Variants in NPAS3 observed in about 807,000 individuals in gnomAD.
NPAS3 encodes neuronal PAS domain protein 3.
Under a neutral mutation model 73.1 loss-of-function variants are expected in NPAS3, and 14 were observed. The ratio of observed to expected loss-of-function variants is 0.19; its 90% CI spans 0.13 to 0.30. The LOEUF is 0.30. Among genes scored for constraint, NPAS3 ranks in the 10% least tolerant of loss-of-function variants. The pLI is 1.00. For missense variants in NPAS3, 1,096 were observed against 1,250.0 expected, an observed-to-expected ratio of 0.88 and a Z score of 1.86; for synonymous variants, 620 against 541.5, an observed-to-expected ratio of 1.14 and a Z score of -2.01.
chr14:33,728,667 C>T (rs190740878), intron 6 of NPAS3, among the ~76,000 whole-genome samples: 6 of 152,140 alleles, frequency 3.9e-5, no homozygotes, highest in Non-Finnish European at 8.8e-5. Flanking sequence ...AGCCGTTACC[C>T]GCTTCAGAAT....
intron 6 of NPAS3, among the ~76,000 whole-genome samples, chr14:33,721,801 A>C (rs1407753553): frequency 6.6e-6 from 1 of 152,184 alleles, no homozygotes; most frequent in Non-Finnish European, 1.5e-5. Context: ...CCTTTACGTC[A>C]TTTCCAAAAT....
intron 4 of NPAS3, among the ~76,000 whole-genome samples, chr14:33,519,872 G>A (rs1380158014): frequency 6.6e-6 from 1 of 152,044 alleles, no homozygotes; most frequent in Non-Finnish European, 1.5e-5. Flanking sequence ...TCCCTGAGCT[G>A]CACAGATACC....
chr14:33,452,040 T>A (rs1205304096), intron 4 of NPAS3, among the ~76,000 whole-genome samples: 1 of 152,234 alleles, frequency 6.6e-6, no homozygotes, highest in Non-Finnish European at 1.5e-5. Context: ...GTTGAGAATG[T>A]GTTACAAAAG....
chr14:33,650,588 C>T (rs1484433849), intron 5 of NPAS3, among the ~76,000 whole-genome samples: 1 of 152,180 alleles, frequency 6.6e-6, no homozygotes, highest in Admixed American at 6.5e-5. Context: ...ATTATTCATC[C>T]CTTCACCTCT....
intron 1 of NPAS3, among the ~76,000 whole-genome samples, chr14:33,016,798 T>G (rs1156642105): frequency 6.6e-6 from 1 of 152,156 alleles, no homozygotes; most frequent in African/African-American, 2.4e-5. Flanking sequence ...TTAAGCATAC[T>G]GTGTCATCTT....
rs77959798 is a variant in NPAS3 at position 33,635,462 on chromosome 14, C to T, written c.559-40749C>T. Reference sequence around the variant, plus strand: ...TTAGACTAGAAGAGAGGTATCATTTCGAGATGTAAAAGCCTTGGGTTTGTT... The same window carrying T: ...TTAGACTAGAAGAGAGGTATCATTTTGAGATGTAAAAGCCTTGGGTTTGTT... On this transcript the variant is annotated intron_variant, in intron 5 of 11. Transcript: ENST00000356141. 1.2e-3 allele frequency among the ~76,000 whole-genome samples: 177 copies of T among 152,208 alleles called. No individual in the cohort carries two copies. In the East Asian group the frequency reaches 0.014, roughly 12 times the overall value.
chr14:33,428,779 G>C (rs1050507517), intron 4 of NPAS3, among the ~76,000 whole-genome samples: 1 of 152,024 alleles, frequency 6.6e-6, no homozygotes, highest in African/African-American at 2.4e-5. Flanking sequence ...TACTATGATT[G>C]TCATTGATTT....
intron 4 of NPAS3, among the ~76,000 whole-genome samples, chr14:33,494,935 GTC>G (rs2052096024): frequency 6.6e-6 from 1 of 152,064 alleles, no homozygotes; most frequent in Non-Finnish European, 1.5e-5. Context: ...AACCCGCAGA[GTC>G]TCAGTTGGGA....
At chr14:33,646,769 A>G (rs1472862143) in intron 5 of NPAS3, among the ~76,000 whole-genome samples, 1 of 152,184 alleles carries the variant, frequency 6.6e-6, no homozygotes, top group Non-Finnish European at 1.5e-5. Flanking sequence ...GGCAGTACTC[A>G]TTGCCACTTA....
At chr14:33,525,735 G>T (rs1484170330) in intron 4 of NPAS3, among the ~76,000 whole-genome samples, 1 of 152,138 alleles carries the variant, frequency 6.6e-6, no homozygotes, top group Non-Finnish European at 1.5e-5. Flanking sequence ...TTAATGGGGA[G>T]AAGTTGTTTC....
At chr14:33,193,504 C>T (rs779456130) in intron 2 of NPAS3, among the ~76,000 whole-genome samples, 7 of 152,094 alleles carry the variant, frequency 4.6e-5, no homozygotes, top group Non-Finnish European at 7.4e-5. Flanking sequence ...TGGAGGATGG[C>T]GATGAGGATC....
intron 3 of NPAS3, among the ~76,000 whole-genome samples, chr14:33,327,403 T>A (rs1046165750): frequency 1.3e-5 from 2 of 152,232 alleles, no homozygotes; most frequent in African/African-American, 2.4e-5. Flanking sequence ...ATTACTTAAA[T>A]ACCTGGCTTA....
chr14:33,696,430 C>T (rs917001940), intron 6 of NPAS3, among the ~76,000 whole-genome samples: 2 of 152,094 alleles, frequency 1.3e-5, no homozygotes, highest in African/African-American at 2.4e-5. Flanking sequence ...ATTGGGCCAT[C>T]GAAAGACATA....
chr14:32,939,913 C>G (rs957980371), intron 1 of NPAS3, among the ~76,000 whole-genome samples: 1 of 152,034 alleles, frequency 6.6e-6, no homozygotes, highest in Non-Finnish European at 1.5e-5. Context: ...GGGCCGGCTC[C>G]GTCTCCGCGC....
intron 3 of NPAS3, among the ~76,000 whole-genome samples, chr14:33,266,731 C>A (rs989964640): frequency 6.6e-6 from 1 of 152,092 alleles, no homozygotes; most frequent in Non-Finnish European, 1.5e-5. Context: ...ATCTGATGAG[C>A]TTGTTAAAGA....
chr14:33,283,593 ACTAT>A (rs1413237935), intron 3 of NPAS3, among the ~76,000 whole-genome samples: 1 of 152,196 alleles, frequency 6.6e-6, no homozygotes. Flanking sequence ...TTTCCTTGTC[ACTAT>A]CTATTCTTGT....
At chr14:33,682,051 A>G (rs1234300197) in intron 6 of NPAS3, among the ~76,000 whole-genome samples, 2 of 152,208 alleles carry the variant, frequency 1.3e-5, no homozygotes, top group African/African-American at 2.4e-5. Flanking sequence ...TTTGTATGCA[A>G]TGAAATTCCT....
chr14:33,757,364 G>A (rs2062146838), intron 7 of NPAS3, among the ~76,000 whole-genome samples: 1 of 152,158 alleles, frequency 6.6e-6, no homozygotes, highest in Non-Finnish European at 1.5e-5. Context: ...GAAGAGGATG[G>A]TCACTGCTGT....
intron 5 of NPAS3, among the ~76,000 whole-genome samples, chr14:33,639,935 G>A (rs1244444190): frequency 6.6e-6 from 1 of 152,010 alleles, no homozygotes; most frequent in African/African-American, 2.4e-5. Flanking sequence ...TTACCTCTAT[G>A]GGCTGGTCAC....
Sources: allele counts gnomAD v4.1 joint callset (sites outside exome capture counted in the v4.1 genomes callset), GRCh38; gene constraint gnomAD v4.1.1; transcripts MANE v1.5; gene names NCBI Gene and HGNC (gene_info 2026-07-23, HGNC 2026-07-21).